The following GNAQ variants were observed in gnomAD, a reference collection of about 807,000 sequenced individuals.
The protein encoded by GNAQ is G protein subunit alpha q, also known as guanine nucleotide-binding protein G(q) subunit alpha.
In GNAQ, 8 loss-of-function variants were observed where a neutral mutation model predicts 43.9. That is an observed-to-expected ratio of 0.18 (90% confidence interval 0.11 to 0.33). The LOEUF (loss-of-function observed/expected upper bound fraction) is 0.33, where lower values mean the gene tolerates loss of function less well. Ranked by LOEUF, GNAQ falls within the 10% of genes least tolerant of loss-of-function variation. The pLI, the probability that GNAQ is intolerant of heterozygous loss-of-function variation, is 1.00. For synonymous variants in GNAQ, 155 were observed against 170.7 expected (o/e 0.91, Z 0.71); for missense variants, 158 against 450.8 (o/e 0.35, Z 5.88).
intron 5 of GNAQ, among the ~76,000 whole-genome samples, chr9:77,739,854 T>C (rs546857334): frequency 5.3e-5 from 8 of 152,276 alleles, no homozygotes; most frequent in Non-Finnish European, 1.2e-4. Context: ...GGAACTACAC[T>C]GTGAGGATGC....
intron 4 of GNAQ, 107 bp from the exon 5 acceptor site, chr9:77,794,699 CGAT>C (rs1826631200): frequency 1.8e-6 from 1 of 569,926 alleles, no homozygotes; most frequent in Admixed American, 3.0e-5. Flanking sequence ...TCTTGAATGA[CGAT>C]GATCATCCAA....
At chr9:77,782,787 A>C (rs571961663) in intron 5 of GNAQ, among the ~76,000 whole-genome samples, 2 of 152,380 alleles carry the variant, frequency 1.3e-5, no homozygotes, top group Admixed American at 1.3e-4. Context: ...TATTACATCT[A>C]GACAATGAAC....
At chr9:77,914,828 C>CAAAAA (rs71503232) in intron 2 of GNAQ, among the ~76,000 whole-genome samples, 6 of 98,104 alleles carry the variant, frequency 6.1e-5, no homozygotes, top group East Asian at 2.8e-4. Flanking sequence ...TTTTGAACAC[C>CAAAAA]AAAAAAAAAA....
intron 2 of GNAQ, among the ~76,000 whole-genome samples, chr9:77,914,031 G>A (rs557028791): frequency 6.6e-5 from 10 of 152,260 alleles, no homozygotes; most frequent in African/African-American, 2.4e-4. Context: ...CATGCCTTGG[G>A]ATTACGAATT....
intron 3 of GNAQ, among the ~76,000 whole-genome samples, chr9:77,813,744 T>C (rs930618139): frequency 6.6e-6 from 1 of 151,962 alleles, no homozygotes; most frequent in African/African-American, 2.4e-5. Context: ...GACTACCCAG[T>C]AGCAGGACTC....
chr9:77,761,048 C>T (rs555765996), intron 5 of GNAQ, among the ~76,000 whole-genome samples: 766 of 152,124 alleles, frequency 5.0e-3, no homozygotes, highest in African/African-American at 0.018. Context: ...CCCCTCCGCC[C>T]GGCAGCCACC....
chr9:78,020,609 A>G (rs72738437), intron 1 of GNAQ, among the ~76,000 whole-genome samples: 5 of 152,302 alleles, frequency 3.3e-5, no homozygotes, highest in Non-Finnish European at 5.9e-5. Flanking sequence ...CAGAAGAGGC[A>G]GCATTGGTCT....
At chr9:77,849,371 G>C (rs1827636711) in intron 2 of GNAQ, among the ~76,000 whole-genome samples, 3 of 152,026 alleles carry the variant, frequency 2.0e-5, no homozygotes, top group Admixed American at 2.0e-4. Flanking sequence ...CTACTTCTCA[G>C]CCACAGACAA....
At chr9:78,000,318 C>A (rs865824825) in intron 1 of GNAQ, among the ~76,000 whole-genome samples, 9 of 152,222 alleles carry the variant, frequency 5.9e-5, no homozygotes, top group Middle Eastern at 3.4e-3. Flanking sequence ...AAGCTGATGA[C>A]CTAACAGTTC....
chr9:77,789,572 T>A (rs1410609586), intron 5 of GNAQ, among the ~76,000 whole-genome samples: 1 of 152,190 alleles, frequency 6.6e-6, no homozygotes, highest in East Asian at 1.9e-4. Flanking sequence ...CACCTTAGCC[T>A]TGGTAGAAAA....
In GNAQ at chr9:77,753,177, A is replaced by G. The variant is rs534458895; in HGVS notation, c.736-24510T>C. Among the ~76,000 whole-genome samples, 29 of 152,218 alleles carry G rather than the reference A, an allele frequency of 1.9e-4. No homozygotes were observed. In the South Asian group the frequency reaches 5.6e-3, roughly 29 times the overall value. ...TTTTCATAAATGGGATATAAGTCCAATTTTGAAGACACATGGCTCAGACAC... is the reference window on the plus strand; with the variant it reads ...TTTTCATAAATGGGATATAAGTCCAGTTTTGAAGACACATGGCTCAGACAC... On this transcript the variant is annotated intron_variant, in intron 5 of 6. Coordinates refer to ENST00000286548, the MANE Select transcript of GNAQ (RefSeq NM_002072.5).
At chr9:77,955,875 G>A (rs576311791) in intron 1 of GNAQ, among the ~76,000 whole-genome samples, 2 of 152,248 alleles carry the variant, frequency 1.3e-5, no homozygotes, top group South Asian at 4.2e-4. Flanking sequence ...ACATAAAGCT[G>A]TCTGACACAC....
At chr9:77,868,213 C>T (rs192735031) in intron 2 of GNAQ, among the ~76,000 whole-genome samples, 90 of 152,260 alleles carry the variant, frequency 5.9e-4, no homozygotes, top group African/African-American at 2.1e-3. Context: ...GAAATAATAG[C>T]AAATGGTTAC....
At chr9:77,868,788 C>T (rs1477956830) in intron 2 of GNAQ, among the ~76,000 whole-genome samples, 2 of 151,912 alleles carry the variant, frequency 1.3e-5, no homozygotes, top group Non-Finnish European at 2.9e-5. Flanking sequence ...AGCGAGACTC[C>T]ATCTCAAAAC....
chr9:77,893,427 C>A (rs1035923526), intron 2 of GNAQ, among the ~76,000 whole-genome samples: 1 of 152,226 alleles, frequency 6.6e-6, no homozygotes, highest in Non-Finnish European at 1.5e-5. Context: ...GGGAGGACCC[C>A]TCAGTTCTGG....
intron 1 of GNAQ, among the ~76,000 whole-genome samples, chr9:77,984,609 T>C (rs1823410734): frequency 6.6e-6 from 1 of 152,228 alleles, no homozygotes; most frequent in Non-Finnish European, 1.5e-5. Context: ...TAGCTCCTTA[T>C]TGTCTTGAAA....
chr9:77,753,288 C>T (rs575306815), intron 5 of GNAQ, among the ~76,000 whole-genome samples: 2 of 151,370 alleles, frequency 1.3e-5, no homozygotes, highest in Non-Finnish European at 3.0e-5. Context: ...CGTGCGCACG[C>T]GCACACACAC....
At chr9:77,866,648 G>A (rs967869498) in intron 2 of GNAQ, among the ~76,000 whole-genome samples, 11 of 152,072 alleles carry the variant, frequency 7.2e-5, no homozygotes, top group African/African-American at 2.7e-4. Flanking sequence ...AACTTTAGAT[G>A]CATACAGCAA....
Position 77,892,203 on chromosome 9 carries a change from T to C in GNAQ, c.321+29958A>G, listed in dbSNP as rs376777839. 4.6e-5 allele frequency among the ~76,000 whole-genome samples: 7 copies of C among 152,222 alleles called. No homozygotes were observed. The East Asian group carries it at 5.8e-4, about 13-fold the overall frequency. On this transcript the variant is annotated intron_variant, in intron 2 of 6. Coordinates refer to ENST00000286548, the MANE Select transcript of GNAQ (RefSeq NM_002072.5). ...CTGAGCTCTTCTGAAACGTTATCTG[T>C]CACAGTGGGGCCTCTCTCCCCTGCT...
Sources: gnomAD v4.1 joint callset for allele counts (sites outside exome capture counted in the v4.1 genomes callset) on GRCh38, gnomAD v4.1.1 for gene constraint, MANE v1.5 for transcripts, NCBI Gene and HGNC (gene_info 2026-07-23, HGNC 2026-07-21) for gene names.